KIF26B: variants seen among roughly 807,000 people sequenced by gnomAD.
KIF26B encodes the protein kinesin family member 26B, also known as kinesin-like protein KIF26B.
In KIF26B, 63 loss-of-function variants were observed where a neutral mutation model predicts 151.2. That is an observed-to-expected ratio of 0.42 (90% confidence interval 0.34 to 0.51). The LOEUF (loss-of-function observed/expected upper bound fraction) is 0.51. Among genes scored for constraint, KIF26B ranks in the 20% least tolerant of loss-of-function variants. KIF26B has a pLI of 0.07. For synonymous variants in KIF26B, 1,357 were observed against 1,262.1 expected, an observed-to-expected ratio of 1.08 and a Z score of -1.59; for missense variants, 2,813 against 2,913.6, an observed-to-expected ratio of 0.97 and a Z score of 0.79.
At chr1:245,357,330 C>G (rs191709238) in intron 2 of KIF26B, among the ~76,000 whole-genome samples, 17 of 152,228 alleles carry the variant, frequency 1.1e-4, no homozygotes, top group Non-Finnish European at 1.9e-4. Context: ...GTTTCTGCCC[C>G]CTAGGAATTC....
At position 245,687,285 on chromosome 1, in the gene KIF26B, G is replaced by C. The variant is rs1001080571; in HGVS notation, c.4302G>C (p.Glu1434Asp). 1 of 1,609,362 alleles carries C rather than the reference G, an allele frequency of 6.2e-7. No individual in the cohort carries two copies. The highest frequency in any genetic ancestry group is 1.7e-5 in the Admixed American group (1 of 59,278). ...RESKENSAKK[E>D]MKFEDPWLKR... ...GTAAGGAAAACAGTGCAAAGAAAGAGATGAAATTTGAGGACCCGTGGCTGA... is the reference window on the plus strand; with the variant it reads ...GTAAGGAAAACAGTGCAAAGAAAGACATGAAATTTGAGGACCCGTGGCTGA... The change falls in exon 12 of 15, where the codon GAG (glutamate) becomes GAC (aspartate). Residue 1434 changes from glutamate (E) to aspartate (D), a missense_variant. Physicochemically the swap from Glu to Asp is conservative, Grantham distance 45. Around this residue, in one of 3 missense-constraint regions of KIF26B, gnomAD observed 2,060 missense variants for 2,088.6 expected, o/e 0.99. Coordinates refer to ENST00000407071, the MANE Select transcript of KIF26B (RefSeq NM_018012.4). This position sits in a 1 kb window ranked among gnomAD's most constrained non-coding sequence, Gnocchi z 4.9.
At chr1:245,210,111 T>G (rs1424560195) in intron 2 of KIF26B, among the ~76,000 whole-genome samples, 1 of 152,212 alleles carries the variant, frequency 6.6e-6, no homozygotes, top group African/African-American at 2.4e-5. Context: ...AGATACAGGC[T>G]CCACCCCTCT....
intron 4 of KIF26B, among the ~76,000 whole-genome samples, chr1:245,504,814 G>GA (rs760083353): frequency 6.6e-6 from 1 of 152,116 alleles, no homozygotes; most frequent in Non-Finnish European, 1.5e-5. Flanking sequence ...TCTCCTCGTA[G>GA]AAAGCAGGGA....
At chr1:245,298,008 T>G (rs575056921) in intron 2 of KIF26B, among the ~76,000 whole-genome samples, 1 of 152,248 alleles carries the variant, frequency 6.6e-6, no homozygotes, top group African/African-American at 2.4e-5. Flanking sequence ...TGCCTCAGCC[T>G]CCAAAGTAGC....
intron 4 of KIF26B, among the ~76,000 whole-genome samples, chr1:245,520,969 A>G (rs1041885847): frequency 6.6e-6 from 1 of 152,164 alleles, no homozygotes; most frequent in African/African-American, 2.4e-5. Flanking sequence ...TGGTGTGGAT[A>G]TGGAGGCAGA....
At chr1:245,298,973 T>A (rs1671382135) in intron 2 of KIF26B, among the ~76,000 whole-genome samples, 1 of 152,206 alleles carries the variant, frequency 6.6e-6, no homozygotes, top group South Asian at 2.1e-4. Flanking sequence ...TGAGAACATG[T>A]GTCTTGGAAG....
chr1:245,277,604 A>G (rs1368487477), intron 2 of KIF26B, among the ~76,000 whole-genome samples: 4 of 152,328 alleles, frequency 2.6e-5, no homozygotes, highest in Admixed American at 2.0e-4. Flanking sequence ...GGGGATTAAT[A>G]TAGGATTTTG....
intron 2 of KIF26B, among the ~76,000 whole-genome samples, chr1:245,307,897 C>T (rs924681149): frequency 2.6e-5 from 4 of 152,242 alleles, no homozygotes; most frequent in Admixed American, 2.0e-4. Flanking sequence ...CCCGCCACCA[C>T]GCCCGGCTAA....
At position 245,683,579 on chromosome 1, in the gene KIF26B, C is replaced by A. The variant is rs540834908; in HGVS notation, c.2259-654C>A. On this transcript the variant is annotated intron_variant, in intron 10 of 14. Transcript: ENST00000407071. ...CCTGCACAGTTGCCAGAGGAGGCCT[C>A]TCTATAGGAAGTGCTGCTTTCTGTT... Among the ~76,000 whole-genome samples the A allele has an allele frequency of 9.2e-5, 14 of 152,308 alleles. No individual in the cohort carries two copies. The East Asian group carries it at 2.3e-3, about 25-fold the overall frequency.
intron 2 of KIF26B, among the ~76,000 whole-genome samples, chr1:245,297,716 G>C (rs1671362707): frequency 6.6e-6 from 1 of 152,186 alleles, no homozygotes; most frequent in South Asian, 2.1e-4. Context: ...GGTTTACTCT[G>C]TACTGTGCTA....
At position 245,606,882 on chromosome 1, in the gene KIF26B, G is replaced by T. The variant is rs1409939224; in HGVS notation, c.1558-769G>T. On this transcript the variant is annotated intron_variant, in intron 6 of 14. Coordinates refer to ENST00000407071, the MANE Select transcript of KIF26B (RefSeq NM_018012.4). The surrounding 1 kb of genome is among the most constrained non-coding windows in gnomAD (Gnocchi z 4.6). ...GTTTGAGACCAGCCTGACCAACGTG[G>T]TGAAACCCCCTCTCTACTAAAAAAA... is the stretch of plus-strand genomic sequence containing the variant. 6.6e-6 allele frequency among the ~76,000 whole-genome samples: 1 copy of T among 152,028 alleles called. No homozygotes were observed. The highest frequency in any genetic ancestry group is 1.5e-5 in the Non-Finnish European group (1 of 67,998).
rs184449819 is a variant in KIF26B at position 245,347,457 on chromosome 1, A to G, written c.466-19377A>G. On this transcript the variant is annotated intron_variant, in intron 2 of 14. Coordinates refer to ENST00000407071, the MANE Select transcript of KIF26B (RefSeq NM_018012.4). Reference sequence around the variant, plus strand: ...TTCATCAGCCTCCAAAGTAGCTGGTATTACAGGTGCATGCTACCATACCCG... The same window carrying G: ...TTCATCAGCCTCCAAAGTAGCTGGTGTTACAGGTGCATGCTACCATACCCG... 2.9e-3 allele frequency among the ~76,000 whole-genome samples: 439 copies of G among 152,104 alleles called. 1 individual carries two copies. The highest frequency in any genetic ancestry group is 9.7e-3 in the African/African-American group (403 of 41,504).
At chr1:245,622,526 T>C (rs2043674828) in intron 9 of KIF26B, among the ~76,000 whole-genome samples, 1 of 152,162 alleles carries the variant, frequency 6.6e-6, no homozygotes, top group Non-Finnish European at 1.5e-5. Flanking sequence ...GCACCCCGAG[T>C]GCCACCTGCA....
chr1:245,460,836 G>A (rs1659630749), intron 4 of KIF26B, among the ~76,000 whole-genome samples: 1 of 152,214 alleles, frequency 6.6e-6, no homozygotes, highest in South Asian at 2.1e-4. Flanking sequence ...TGGCCATCAT[G>A]GTTCAAATCA....
At chr1:245,188,711 G>C (rs549588080) in intron 2 of KIF26B, among the ~76,000 whole-genome samples, 2 of 152,118 alleles carry the variant, frequency 1.3e-5, no homozygotes, top group Non-Finnish European at 2.9e-5. Context: ...TCCACTTCTG[G>C]TATAAACCCA....
At chr1:245,511,015 C>T in intron 4 of KIF26B, 1 of 703,006 alleles carries the variant, frequency 1.4e-6, no homozygotes, top group East Asian at 2.7e-5. Context: ...TGAGATGGCC[C>T]CAGATCTGCA....
chr1:245,218,629 C>T lies in KIF26B; in HGVS notation c.465+61946C>T, dbSNP rs757997167. On this transcript the variant is annotated intron_variant, in intron 2 of 14. Transcript: ENST00000407071. The surrounding 1 kb of genome is among the most constrained non-coding windows in gnomAD (Gnocchi z 4.1). ...TGACCCCAGGAGCTCTGCAGTGTGCCGCATGGAATCGCCTAAGATGGGACT... is the reference window on the plus strand; with the variant it reads ...TGACCCCAGGAGCTCTGCAGTGTGCTGCATGGAATCGCCTAAGATGGGACT... Among the ~76,000 whole-genome samples the T allele has an allele frequency of 1.3e-5, 2 of 152,244 alleles. No individual in the cohort carries two copies. Among genetic ancestry groups the T allele is most frequent in the Non-Finnish European group, 2.9e-5 (2 of 68,018 alleles).
intron 2 of KIF26B, among the ~76,000 whole-genome samples, chr1:245,312,383 T>G (rs1425562221): frequency 1.3e-5 from 2 of 152,202 alleles, no homozygotes; most frequent in Non-Finnish European, 2.9e-5. Flanking sequence ...TCAAGAGACC[T>G]GAAATGATTT....
At chr1:245,661,486 T>C (rs2044137472) in intron 10 of KIF26B, among the ~76,000 whole-genome samples, 1 of 151,804 alleles carries the variant, frequency 6.6e-6, no homozygotes, top group Non-Finnish European at 1.5e-5. Context: ...CTCACATATA[T>C]ATGTACACCC....
Sources: gnomAD v4.1 joint callset for allele counts (sites outside exome capture counted in the v4.1 genomes callset) on GRCh38, gnomAD v4.1.1 for gene constraint, gnomAD v4.1.1 regional missense constraint, Gnocchi (gnomAD v3.1) non-coding constraint, MANE v1.5 for transcripts, NCBI Gene and HGNC (gene_info 2026-07-23, HGNC 2026-07-21) for gene names.